Variants in NHERF4 observed in about 807,000 individuals in gnomAD.
The protein encoded by NHERF4 is Na(+)/H(+) exchange regulatory cofactor NHE-RF4.
chr11:119,189,753 A>C, the NHERF4 span: 1 of 550,654 alleles, frequency 1.8e-6, no homozygotes, highest in Non-Finnish European at 3.3e-6. The surrounding 1 kb of genome is among the most constrained non-coding windows in gnomAD (Gnocchi z 5.8). Flanking sequence ...CTGTGTCCCA[A>C]GGATGAAGGT....
the NHERF4 span, chr11:119,188,594 G>A: frequency 3.1e-6 from 5 of 1,609,640 alleles, no homozygotes; most frequent in Non-Finnish European, 4.2e-6. Context: ...GCAGGAGTGG[G>A]GCAGGGCTGA....
the NHERF4 span, chr11:119,187,140 CAAAA>C: frequency 2.2e-3 from 1,118 of 504,998 alleles, no homozygotes; most frequent in South Asian, 3.6e-3. Flanking sequence ...AACTCCATCT[CAAAA>C]AAAAAAAAAA....
At chr11:119,185,537 A>G in the NHERF4 span, 1 of 1,611,342 alleles carries the variant, frequency 6.2e-7, no homozygotes, top group Non-Finnish European at 8.5e-7. Context: ...AATCCTCTGC[A>G]GGGGACTTTG....
At chr11:119,189,298 G>A in the NHERF4 span, 4 of 1,493,122 alleles carry the variant, frequency 2.7e-6, no homozygotes, top group Admixed American at 7.4e-5. The surrounding 1 kb of genome is among the most constrained non-coding windows in gnomAD (Gnocchi z 5.8). Flanking sequence ...ACAAGGTGAA[G>A]CCGTGTGGGG....
the NHERF4 span, chr11:119,189,355 TC>T: frequency 6.6e-7 from 1 of 1,510,132 alleles, no homozygotes; most frequent in Non-Finnish European, 9.2e-7. This position sits in a 1 kb window ranked among gnomAD's most constrained non-coding sequence, Gnocchi z 5.8. Context: ...ACAGAAGGAC[TC>T]GTGAAATAAA....
At chr11:119,186,066 T>C in the NHERF4 span, 1 of 1,610,568 alleles carries the variant, frequency 6.2e-7, no homozygotes, top group Non-Finnish European at 8.5e-7. This position sits in a 1 kb window ranked among gnomAD's most constrained non-coding sequence, Gnocchi z 4.4. Context: ...TGCCAGCTTG[T>C]ACCTGCTTCC....
At chr11:119,187,093 T>G in the NHERF4 span, among the ~76,000 whole-genome samples, 1 of 135,960 alleles carries the variant, frequency 7.4e-6, no homozygotes, top group African/African-American at 2.8e-5. Flanking sequence ...TGAGCTGAGA[T>G]CGCACCATTG....
the NHERF4 span, chr11:119,186,299 G>A: frequency 6.3e-7 from 1 of 1,594,550 alleles, no homozygotes; most frequent in South Asian, 1.1e-5. This position sits in a 1 kb window ranked among gnomAD's most constrained non-coding sequence, Gnocchi z 4.4. Flanking sequence ...AGAGATAGGA[G>A]GGGCCGGGTG....
chr11:119,185,951 CTG>C, the NHERF4 span: 2 of 1,614,186 alleles, frequency 1.2e-6, no homozygotes, highest in Non-Finnish European at 1.7e-6. Context: ...CTCGTTAACT[CTG>C]TAAGTGCCAC....
chr11:119,187,878 G>T, the NHERF4 span: 1 of 1,478,590 alleles, frequency 6.8e-7, no homozygotes, highest in Non-Finnish European at 9.0e-7. Context: ...GGGCTGTGGG[G>T]GGAGCATACC....
the NHERF4 span, chr11:119,187,381 A>C: frequency 3.1e-6 from 5 of 1,613,772 alleles, no homozygotes; most frequent in African/African-American, 6.7e-5. Flanking sequence ...CCTCTGTCCC[A>C]CCCTAGGCCC....
the NHERF4 span, chr11:119,188,166 G>A: frequency 1.4e-5 from 22 of 1,518,630 alleles, no homozygotes; most frequent in Middle Eastern, 1.7e-4. Context: ...CCCTGGGGGC[G>A]GTGGGGGAAG....
chr11:119,189,245 G>GA, the NHERF4 span: 569 of 1,569,484 alleles, frequency 3.6e-4, 4 homozygotes, highest in East Asian at 8.6e-3. The surrounding 1 kb of genome is among the most constrained non-coding windows in gnomAD (Gnocchi z 5.8). Context: ...AGTAGCTACA[G>GA]AGGGCAGGGA....
At chr11:119,186,366 G>A in the NHERF4 span, 1 of 1,557,262 alleles carries the variant, frequency 6.4e-7, no homozygotes, top group Non-Finnish European at 8.8e-7. The surrounding 1 kb of genome is among the most constrained non-coding windows in gnomAD (Gnocchi z 4.4). Flanking sequence ...ACCCAACCAG[G>A]CAGAAACTGC....
chr11:119,189,245 G>C, the NHERF4 span: 1 of 1,569,484 alleles, frequency 6.4e-7, no homozygotes, highest in African/African-American at 1.3e-5. The surrounding 1 kb of genome is among the most constrained non-coding windows in gnomAD (Gnocchi z 5.8). Flanking sequence ...AGTAGCTACA[G>C]AGGGCAGGGA....
chr11:119,187,707 C>T, the NHERF4 span: 537 of 1,495,586 alleles, frequency 3.6e-4, 3 homozygotes, highest in East Asian at 8.6e-3. Flanking sequence ...GAAGGTGTGA[C>T]TGCCTGTCTC....
chr11:119,188,257 G>A, the NHERF4 span: 643 of 1,573,254 alleles, frequency 4.1e-4, 8 homozygotes, highest in Admixed American at 0.011. Context: ...CTCTGGCCCT[G>A]GGCCGCCTCT....
chr11:119,187,731 C>A, the NHERF4 span: 8 of 1,477,002 alleles, frequency 5.4e-6, no homozygotes, highest in Admixed American at 1.3e-4. Context: ...CTCTCCTCCC[C>A]CAATCCGGGC....
chr11:119,186,190 C>G, the NHERF4 span: 3 of 1,614,162 alleles, frequency 1.9e-6, no homozygotes, highest in South Asian at 3.3e-5. The surrounding 1 kb of genome is among the most constrained non-coding windows in gnomAD (Gnocchi z 4.4). Flanking sequence ...CCCTGGCAAC[C>G]ATTCCCTATC....
Sources: gnomAD v4.1 joint callset for allele counts (sites outside exome capture counted in the v4.1 genomes callset) on GRCh38, gnomAD v4.1.1 for gene constraint, Gnocchi (gnomAD v3.1) non-coding constraint, MANE v1.5 for transcripts, NCBI Gene and HGNC (gene_info 2026-07-23, HGNC 2026-07-21) for gene names.